DUSP16: variants seen among roughly 807,000 people sequenced by gnomAD.
The protein encoded by DUSP16 is dual specificity protein phosphatase 16.
Under a neutral mutation model 58.3 loss-of-function variants are expected in DUSP16, and 21 were observed. The observed-to-expected ratio is 0.36, with a 90% confidence interval of 0.26 to 0.52. The LOEUF (loss-of-function observed/expected upper bound fraction) is 0.52. DUSP16 is among the 20% of genes least tolerant of loss of function. DUSP16 has a pLI of 0.94. For synonymous variants in DUSP16, 320 were observed against 323.8 expected (o/e 0.99, Z 0.12); for missense variants, 726 against 819.0 (o/e 0.89, Z 1.39).
At chr12:12,488,403 TTATGTAATG>T (rs2136199196) in intron 4 of DUSP16, among the ~76,000 whole-genome samples, 1 of 152,346 alleles carries the variant, frequency 6.6e-6, no homozygotes, top group Non-Finnish European at 1.5e-5. Context: ...ATCTCCCCTG[TTATGTAATG>T]AAGTAATGAG....
At chr12:12,559,862 C>G (rs897784657) in intron 1 of DUSP16, among the ~76,000 whole-genome samples, 1 of 152,150 alleles carries the variant, frequency 6.6e-6, no homozygotes, top group Admixed American at 6.6e-5. Flanking sequence ...CTCTTCCCCC[C>G]TCCCATCTCA....
chr12:12,543,313 G>A (rs1944593128), intron 1 of DUSP16, among the ~76,000 whole-genome samples: 1 of 152,100 alleles, frequency 6.6e-6, no homozygotes, highest in Admixed American at 6.5e-5. Flanking sequence ...GAGGATAGTG[G>A]GCCATGTGTA....
intron 1 of DUSP16, among the ~76,000 whole-genome samples, chr12:12,542,539 G>A (rs2136254239): frequency 6.6e-6 from 1 of 152,194 alleles, no homozygotes; most frequent in South Asian, 2.1e-4. Context: ...AAATGTCCTA[G>A]AATTAGATAG....
chr12:12,514,737 C>T (rs1330583406), intron 3 of DUSP16, among the ~76,000 whole-genome samples: 3 of 152,128 alleles, frequency 2.0e-5, no homozygotes, highest in Admixed American at 2.0e-4. Flanking sequence ...GGCACAATCA[C>T]GGCTCGCTGC....
chr12:12,559,594 A>C (rs1378690535), intron 1 of DUSP16, among the ~76,000 whole-genome samples: 1 of 152,242 alleles, frequency 6.6e-6, no homozygotes, highest in Non-Finnish European at 1.5e-5. Context: ...TGGGAGTTCT[A>C]GGATAAATTA....
At chr12:12,545,836 C>CAA (rs1210837466) in intron 1 of DUSP16, among the ~76,000 whole-genome samples, 5 of 152,070 alleles carry the variant, frequency 3.3e-5, no homozygotes, top group African/African-American at 1.2e-4. Flanking sequence ...ACAATCTAGC[C>CAA]AAAACTATAT....
chr12:12,555,237 G>A lies in DUSP16; in HGVS notation c.-366+6880C>T, dbSNP rs991786701. On this transcript the variant is annotated intron_variant, in intron 1 of 6. Transcript: ENST00000298573. Reference sequence around the variant, plus strand: ...CAGGTCAGCCACAGGGTCAAAGCTGGAGGTGAGGTCAGAGACCCCGTTCTA... The same window carrying A: ...CAGGTCAGCCACAGGGTCAAAGCTGAAGGTGAGGTCAGAGACCCCGTTCTA... Among the ~76,000 whole-genome samples, 38 of 152,214 alleles carry A rather than the reference G, an allele frequency of 2.5e-4. 1 individual carries two copies. Among genetic ancestry groups the A allele is most frequent in the Non-Finnish European group, 1.6e-4 (11 of 68,046 alleles).
chr12:12,534,035 G>C (rs554182307), intron 1 of DUSP16, among the ~76,000 whole-genome samples: 65 of 152,280 alleles, frequency 4.3e-4, no homozygotes, highest in African/African-American at 1.5e-3. Flanking sequence ...GGTAACTCTG[G>C]GGTAACTGTT....
intron 1 of DUSP16, among the ~76,000 whole-genome samples, chr12:12,548,611 A>G (rs1183158019): frequency 7.1e-6 from 1 of 140,956 alleles, no homozygotes; most frequent in Non-Finnish European, 1.5e-5. Context: ...CAACCTGGTG[A>G]CAGAGTGAGA....
At chr12:12,520,543 T>C (rs974706769) in intron 2 of DUSP16, among the ~76,000 whole-genome samples, 2 of 152,228 alleles carry the variant, frequency 1.3e-5, no homozygotes, top group Non-Finnish European at 2.9e-5. Flanking sequence ...CCTACTTTCT[T>C]TCCAAAGAAC....
intron 1 of DUSP16, among the ~76,000 whole-genome samples, chr12:12,529,164 T>C (rs890770950): frequency 5.1e-4 from 78 of 152,246 alleles, no homozygotes; most frequent in African/African-American, 1.8e-3. Flanking sequence ...AAGGCTGGAA[T>C]GCAGTGCTAT....
At chr12:12,502,217 T>C (rs2136214135) in intron 3 of DUSP16, among the ~76,000 whole-genome samples, 1 of 152,328 alleles carries the variant, frequency 6.6e-6, no homozygotes, top group East Asian at 1.9e-4. Flanking sequence ...TCATCTTTCA[T>C]TATGCCCTGT....
chr12:12,519,314 T>C (rs1168960311), intron 3 of DUSP16, among the ~76,000 whole-genome samples: 1 of 152,202 alleles, frequency 6.6e-6, no homozygotes, highest in Admixed American at 6.5e-5. Flanking sequence ...AATAAAAATA[T>C]ACAAGTAACT....
At chr12:12,479,039 G>A (rs555354174) in intron 6 of DUSP16, among the ~76,000 whole-genome samples, 1 of 152,208 alleles carries the variant, frequency 6.6e-6, no homozygotes, top group African/African-American at 2.4e-5. Flanking sequence ...CTAAATGATG[G>A]TGCTGGATTC....
chr12:12,485,866 T>C (rs1592167216), intron 5 of DUSP16, among the ~76,000 whole-genome samples: 1 of 140,054 alleles, frequency 7.1e-6, no homozygotes, highest in East Asian at 2.1e-4. Flanking sequence ...CAATCTTGGC[T>C]CACTGCAAGC....
chr12:12,521,734 A>C (rs565535206), intron 1 of DUSP16, among the ~76,000 whole-genome samples: 3 of 152,352 alleles, frequency 2.0e-5, no homozygotes, highest in African/African-American at 7.2e-5. Flanking sequence ...CCTAGGGCTC[A>C]GAACTAAATG....
At chr12:12,487,318 A>G in intron 4 of DUSP16, 131 bp from the exon 5 acceptor site, 1 of 1,070,538 alleles carries the variant, frequency 9.3e-7, no homozygotes, top group Non-Finnish European at 1.3e-6. Context: ...AGATCAGTGA[A>G]GTCCAAAAAC....
chr12:12,550,818 C>G (rs1462824423), intron 1 of DUSP16, among the ~76,000 whole-genome samples: 2 of 151,840 alleles, frequency 1.3e-5, no homozygotes, highest in African/African-American at 4.8e-5. Flanking sequence ...TGCAGCAAAC[C>G]ACCATGGCAT....
At chr12:12,510,622 G>A (rs192625869) in intron 3 of DUSP16, among the ~76,000 whole-genome samples, 129 of 152,296 alleles carry the variant, frequency 8.5e-4, no homozygotes, top group African/African-American at 2.9e-3. Context: ...TTGACATAGC[G>A]CTAGGTAATG....
Sources: allele counts gnomAD v4.1 joint callset (sites outside exome capture counted in the v4.1 genomes callset), GRCh38; gene constraint gnomAD v4.1.1; transcripts MANE v1.5; gene names NCBI Gene and HGNC (gene_info 2026-07-23, HGNC 2026-07-21).